Variants in DOCK4 observed in about 807,000 individuals in gnomAD.
DOCK4 encodes dedicator of cytokinesis 4, also known as dedicator of cytokinesis protein 4.
Under a neutral mutation model 268.1 loss-of-function variants are expected in DOCK4, and 97 were observed. The ratio of observed to expected loss-of-function variants is 0.36; its 90% CI spans 0.31 to 0.43. The LOEUF (loss-of-function observed/expected upper bound fraction) is 0.43, where lower values mean the gene tolerates loss of function less well. Among genes scored for constraint, DOCK4 ranks in the 20% least tolerant of loss-of-function variants. DOCK4 has a pLI of 1.00. For synonymous variants in DOCK4, 954 were observed against 887.2 expected, an observed-to-expected ratio of 1.08 and a Z score of -1.34; for missense variants, 2,145 against 2,455.7, an observed-to-expected ratio of 0.87 and a Z score of 2.67.
chr7:111,817,420 A>G (rs1801639485), intron 27 of DOCK4, among the ~76,000 whole-genome samples: 1 of 151,274 alleles, frequency 6.6e-6, no homozygotes, highest in East Asian at 1.9e-4. Flanking sequence ...CCTTCCTGTT[A>G]TTATGGATAA....
At chr7:112,150,658 T>C (rs1372890668) in intron 1 of DOCK4, among the ~76,000 whole-genome samples, 1 of 152,136 alleles carries the variant, frequency 6.6e-6, no homozygotes, top group Non-Finnish European at 1.5e-5. Flanking sequence ...TCCATTGCCA[T>C]CCTTTTCTTC....
chr7:111,825,771 T>C (rs1224905597), intron 26 of DOCK4, among the ~76,000 whole-genome samples: 1 of 152,190 alleles, frequency 6.6e-6, no homozygotes, highest in African/African-American at 2.4e-5. Context: ...TGTTATTTTA[T>C]AGAAGTATTT....
intron 14 of DOCK4, 29 bp downstream of exon 14, chr7:111,901,648 T>C (rs1163022572): frequency 1.2e-6 from 2 of 1,609,308 alleles, no homozygotes. Context: ...CAGACTTGTT[T>C]GACCTGGAAA....
At chr7:111,935,691 T>G (rs1794686822) in intron 11 of DOCK4, 63 bp from the exon 12 acceptor site, 1 of 1,398,636 alleles carries the variant, frequency 7.1e-7, no homozygotes, top group Non-Finnish European at 1.0e-6. Flanking sequence ...GTGATCCTCA[T>G]AGTACATCTG....
rs190680235 is a variant in DOCK4 at position 112,190,029 on chromosome 7, G to A, written c.37+16073C>T. Among the ~76,000 whole-genome samples the A allele has an allele frequency of 2.1e-3, 317 of 152,082 alleles. 2 individuals carry two copies. Among genetic ancestry groups the A allele is most frequent in the African/African-American group, 7.3e-3 (303 of 41,470 alleles). On this transcript the variant is annotated intron_variant, in intron 1 of 52. Coordinates refer to ENST00000428084, the MANE Select transcript of DOCK4 (RefSeq NM_001363540.2). ...ACACTTGTTTTCCTCTGTGGATGTC[G>A]GGGGGTTGCCAGGCCCCAGTCAGGA...
intron 34 of DOCK4, 108 bp from the exon 35 acceptor site, chr7:111,783,032 AAG>A: frequency 9.0e-7 from 1 of 1,107,704 alleles, no homozygotes; most frequent in Non-Finnish European, 1.3e-6. Context: ...AAAAAAAAAA[AAG>A]AAGCCACTTT....
chr7:112,066,699 A>ATGTATGTATGTGTGTG (rs1554433348), intron 1 of DOCK4, among the ~76,000 whole-genome samples: 7 of 32,830 alleles, frequency 2.1e-4, no homozygotes, highest in African/African-American at 6.0e-4. Context: ...ACATATATAT[A>ATGTATGTATGTGTGTG]TATATATATA....
intron 40 of DOCK4, 24 bp from the exon 41 acceptor site, chr7:111,758,814 G>T: frequency 6.2e-7 from 1 of 1,611,544 alleles, no homozygotes; most frequent in Non-Finnish European, 8.5e-7. Flanking sequence ...GTCAAGGAGA[G>T]AACCTGACTT....
intron 1 of DOCK4, among the ~76,000 whole-genome samples, chr7:112,105,111 T>G (rs191583330): frequency 0.026 from 3,984 of 152,300 alleles, 187 homozygotes; most frequent in African/African-American, 0.091. Context: ...TCTGCTCTTG[T>G]ATCCAAGTGG....
intron 1 of DOCK4, among the ~76,000 whole-genome samples, chr7:112,142,416 A>G (rs1024207374): frequency 3.9e-5 from 6 of 152,202 alleles, no homozygotes; most frequent in Non-Finnish European, 5.9e-5. Flanking sequence ...TTGACTGTCT[A>G]ACCCATGCAG....
intron 1 of DOCK4, among the ~76,000 whole-genome samples, chr7:112,203,069 G>A (rs1489569183): frequency 6.6e-6 from 1 of 152,184 alleles, no homozygotes; most frequent in Non-Finnish European, 1.5e-5. Context: ...AGTTGGAAGA[G>A]CTCTACAAAA....
chr7:111,934,523 G>GTTTTTGTTTTTTT (rs1562907282), intron 12 of DOCK4, among the ~76,000 whole-genome samples: 2 of 83,870 alleles, frequency 2.4e-5, no homozygotes, highest in African/African-American at 8.1e-5. Flanking sequence ...TTTTGTTTTT[G>GTTTTTGTTTTTTT]TTTTTTTTTT....
At chr7:112,020,905 A>G (rs1802262404) in intron 1 of DOCK4, among the ~76,000 whole-genome samples, 1 of 152,182 alleles carries the variant, frequency 6.6e-6, no homozygotes, top group African/African-American at 2.4e-5. Context: ...ATTTCTCAGC[A>G]TAACTCCTTA....
intron 1 of DOCK4, among the ~76,000 whole-genome samples, chr7:112,018,328 G>A (rs942229447): frequency 3.9e-5 from 6 of 151,966 alleles, no homozygotes; most frequent in Admixed American, 1.3e-4. Context: ...AAAAAATGCT[G>A]CTTGTTTATC....
intron 25 of DOCK4, among the ~76,000 whole-genome samples, chr7:111,844,238 C>G (rs1007003741): frequency 1.3e-5 from 2 of 152,120 alleles, no homozygotes; most frequent in African/African-American, 2.4e-5. Flanking sequence ...ATCACACACT[C>G]GCACTCCAAC....
Position 111,765,238 on chromosome 7 carries a change from A to G in DOCK4, c.3916-16T>C. 7.1e-7 allele frequency: 1 copy of G among 1,412,180 alleles called. No homozygotes were observed. Among genetic ancestry groups the G allele is most frequent in the Non-Finnish European group, 9.6e-7 (1 of 1,037,458 alleles). The allele number at this position is 1,412,180 out of a possible 1,614,324, so 87.5% of individuals were successfully genotyped here. A position where few individuals can be genotyped will look rare whatever the true frequency, so the allele number is the denominator to read the frequency against. The stretch of plus-strand genomic sequence containing the variant: ...CTTCCATCATCTAGAAAGCACAGGA[A>G]ACATTCTAAGCATTTTATCTCATCT... On this transcript the variant is annotated splice_polypyrimidine_tract_variant and intron_variant, in intron 38 of 52. Transcript: ENST00000428084.
Position 111,869,566 on chromosome 7 carries a change from G to T in DOCK4, c.2109+8C>A. The T allele has an allele frequency of 6.2e-7, 1 of 1,612,922 alleles. No homozygotes were observed. Among genetic ancestry groups the T allele is most frequent in the Non-Finnish European group, 8.5e-7 (1 of 1,179,090 alleles). On this transcript the variant is annotated splice_region_variant and intron_variant, in intron 21 of 52. Coordinates refer to ENST00000428084, the MANE Select transcript of DOCK4 (RefSeq NM_001363540.2). ...TAGACTCTGCTGTTATCAACAGCAT[G>T]TTATCACCTTCAGCACCTCCTGGAT...
intron 1 of DOCK4, among the ~76,000 whole-genome samples, chr7:112,178,682 T>C (rs1223990894): frequency 1.3e-5 from 2 of 152,234 alleles, no homozygotes; most frequent in Non-Finnish European, 2.9e-5. Context: ...TTTTGGTTTC[T>C]GATAGCAGCT....
chr7:111,922,359 A>T (rs995517929), intron 12 of DOCK4, among the ~76,000 whole-genome samples: 16 of 152,042 alleles, frequency 1.1e-4, no homozygotes, highest in African/African-American at 3.6e-4. Flanking sequence ...TATACATACT[A>T]TTTCTATTCT....
Sources: gnomAD v4.1 joint callset for allele counts (sites outside exome capture counted in the v4.1 genomes callset) on GRCh38, gnomAD v4.1.1 for gene constraint, MANE v1.5 for transcripts, NCBI Gene and HGNC (gene_info 2026-07-23, HGNC 2026-07-21) for gene names.